NRXN1: variants seen among roughly 807,000 people sequenced by gnomAD.
NRXN1 encodes the protein neurexin 1.
NRXN1 carries 39 observed loss-of-function variants against 150.9 expected under a neutral mutation model. The observed-to-expected ratio is 0.26, with a 90% CI of 0.20 to 0.34. The LOEUF is 0.34. Ranked by LOEUF, NRXN1 falls within the 10% of genes least tolerant of loss-of-function variation. NRXN1 has a pLI of 1.00. For missense variants in NRXN1, 1,815 were observed against 1,949.9 expected (o/e 0.93, Z 1.30); for synonymous variants, 924 against 757.0 (o/e 1.22, Z -3.62).
At chr2:50,685,734 T>C (rs1432341322) in intron 5 of NRXN1, among the ~76,000 whole-genome samples, 1 of 152,090 alleles carries the variant, frequency 6.6e-6, no homozygotes, top group Non-Finnish European at 1.5e-5. Context: ...GTATTGAAAA[T>C]ACTAACTGAA....
intron 18 of NRXN1, among the ~76,000 whole-genome samples, chr2:50,136,041 C>A (rs1706353536): frequency 6.6e-6 from 1 of 152,150 alleles, no homozygotes; most frequent in Non-Finnish European, 1.5e-5. Flanking sequence ...GTCTTCAATA[C>A]AATAGATCTT....
At chr2:50,137,322 A>G (rs1293878666) in intron 18 of NRXN1, among the ~76,000 whole-genome samples, 1 of 152,190 alleles carries the variant, frequency 6.6e-6, no homozygotes, top group African/African-American at 2.4e-5. Context: ...TTAGTTGGTG[A>G]GCATCTGTAA....
chr2:49,982,754 T>C (rs182617060), intron 21 of NRXN1, among the ~76,000 whole-genome samples: 2 of 152,290 alleles, frequency 1.3e-5, no homozygotes, highest in East Asian at 3.9e-4. Context: ...TTTTAGATAA[T>C]GGACGCATTT....
At chr2:50,955,611 T>G (rs576538612) in intron 2 of NRXN1, among the ~76,000 whole-genome samples, 1 of 152,334 alleles carries the variant, frequency 6.6e-6, no homozygotes, top group East Asian at 1.9e-4. Flanking sequence ...CATTTTTATA[T>G]ATGAGTAGAA....
rs548398092 is a variant in NRXN1, at chr2:50,522,299, T to C, written c.2374+6326A>G. Among the ~76,000 whole-genome samples the C allele has an allele frequency of 1.3e-4, 20 of 152,340 alleles. No homozygotes were observed. The South Asian group carries it at 3.7e-3, about 28-fold the overall frequency. On this transcript the variant is annotated intron_variant, in intron 12 of 22. Coordinates refer to ENST00000401669, the MANE Select transcript of NRXN1 (RefSeq NM_001330078.2). ...TCTTCTAAAACTTTCTTGGATTTTA[T>C]AATACTTTTTACCTAGGCAATTGTT...
At chr2:50,936,609 G>A (rs1352149066) in intron 2 of NRXN1, among the ~76,000 whole-genome samples, 1 of 152,096 alleles carries the variant, frequency 6.6e-6, no homozygotes, top group Non-Finnish European at 1.5e-5. Context: ...CTCAAAATGT[G>A]TAATATTGAA....
chr2:51,022,104 G>A (rs1435691179), intron 2 of NRXN1, among the ~76,000 whole-genome samples: 1 of 152,022 alleles, frequency 6.6e-6, no homozygotes, highest in African/African-American at 2.4e-5. Flanking sequence ...TAGACAAGAA[G>A]AAGTTCTATA....
At chr2:50,345,890 C>G (rs1433178012) in intron 17 of NRXN1, among the ~76,000 whole-genome samples, 1 of 152,220 alleles carries the variant, frequency 6.6e-6, no homozygotes, top group African/African-American at 2.4e-5. Context: ...CTCCCTGGTT[C>G]CAATAGCCTT....
chr2:50,355,365 G>A (rs2078720769), intron 17 of NRXN1, among the ~76,000 whole-genome samples: 1 of 151,388 alleles, frequency 6.6e-6, no homozygotes, highest in Admixed American at 6.6e-5. Context: ...AAGTTGGTAT[G>A]ACTATTCTAC....
rs145030589 is a variant in NRXN1, at chr2:50,284,041, A to G, written c.3365-47071T>C. On this transcript the variant is annotated intron_variant, in intron 17 of 22. Transcript: ENST00000401669. ...TTCACCTTGCCACATCAGCAAAAGC[A>G]AAGTGATGCATCACAAATGGTATTA... is the stretch of plus-strand genomic sequence containing the variant. Among the ~76,000 whole-genome samples the G allele has an allele frequency of 4.6e-5, 7 of 152,316 alleles. No homozygotes were observed. In the East Asian group the frequency reaches 1.4e-3, roughly 29 times the overall value.
At chr2:50,280,008 T>C (rs1380556349) in intron 17 of NRXN1, among the ~76,000 whole-genome samples, 2 of 151,958 alleles carry the variant, frequency 1.3e-5, no homozygotes, top group East Asian at 3.9e-4. Flanking sequence ...GCATAACAGA[T>C]ATATTAACGC....
chr2:50,710,774 G>A (rs1234707565), intron 5 of NRXN1, among the ~76,000 whole-genome samples: 1 of 152,162 alleles, frequency 6.6e-6, no homozygotes, highest in East Asian at 1.9e-4. Context: ...TTGCTTCTCT[G>A]CTTTTTTTGG....
At chr2:50,628,969 T>C (rs1319430538) in intron 5 of NRXN1, among the ~76,000 whole-genome samples, 2 of 151,386 alleles carry the variant, frequency 1.3e-5, no homozygotes, top group African/African-American at 2.4e-5. Context: ...ATGAATAAAA[T>C]GAAAAATACA....
chr2:50,248,577 T>C (rs1029646611), intron 17 of NRXN1, among the ~76,000 whole-genome samples: 19 of 152,196 alleles, frequency 1.2e-4, no homozygotes, highest in Non-Finnish European at 2.5e-4. Flanking sequence ...ATTGCCTAAG[T>C]AGAGTAGTCA....
In NRXN1 at chr2:50,108,137, T is replaced by C. The variant is rs1005031789; in HGVS notation, c.3547-16643A>G. ...CAGTGATGAAATCTGTTTCAGAATA[T>C]AGAAAAGTATAACTCCCCTCTAACT... is the stretch of plus-strand genomic sequence containing the variant. On this transcript the variant is annotated intron_variant, in intron 18 of 22. Transcript: ENST00000401669. Among the ~76,000 whole-genome samples, 7 of 151,972 alleles carry C rather than the reference T, an allele frequency of 4.6e-5. No homozygotes were observed. In the South Asian group the frequency reaches 1.2e-3, roughly 27 times the overall value.
chr2:50,525,520 A>G (rs1196296582), intron 12 of NRXN1, among the ~76,000 whole-genome samples: 1 of 152,188 alleles, frequency 6.6e-6, no homozygotes, highest in Non-Finnish European at 1.5e-5. Context: ...CTTGCAGCCC[A>G]TGGATTTGGA....
At chr2:50,799,689 G>T (rs1009573805) in intron 5 of NRXN1, among the ~76,000 whole-genome samples, 1 of 152,136 alleles carries the variant, frequency 6.6e-6, no homozygotes, top group Non-Finnish European at 1.5e-5. Flanking sequence ...AGATGAATTT[G>T]CTCAACTGTA....
intron 5 of NRXN1, among the ~76,000 whole-genome samples, chr2:50,872,193 G>GT (rs1677881465): frequency 6.6e-6 from 1 of 151,724 alleles, no homozygotes; most frequent in East Asian, 2.0e-4. Flanking sequence ...TATAATGTGA[G>GT]TCATTTCACA....
intron 17 of NRXN1, among the ~76,000 whole-genome samples, chr2:50,458,905 C>T (rs946711501): frequency 6.6e-6 from 1 of 151,998 alleles, no homozygotes; most frequent in Non-Finnish European, 1.5e-5. Context: ...TCTATTTATG[C>T]TTCAGTATTC....
Sources: gnomAD v4.1 joint callset for allele counts (sites outside exome capture counted in the v4.1 genomes callset) on GRCh38, gnomAD v4.1.1 for gene constraint, MANE v1.5 for transcripts, NCBI Gene and HGNC (gene_info 2026-07-23, HGNC 2026-07-21) for gene names.